Variants in AHCYL1 observed in about 807,000 individuals in gnomAD.
The protein encoded by AHCYL1 is S-adenosylhomocysteine hydrolase-like protein 1.
AHCYL1 carries 20 observed loss-of-function variants against 79.3 expected under a neutral mutation model. That is an observed-to-expected ratio of 0.25 (90% CI 0.18 to 0.37). The LOEUF is 0.37. Among genes scored for constraint, AHCYL1 ranks in the 10% least tolerant of loss-of-function variants. The pLI, the probability that AHCYL1 is intolerant of heterozygous loss-of-function variation, is 1.00. For synonymous variants in AHCYL1, 223 were observed against 242.2 expected, an observed-to-expected ratio of 0.92 and a Z score of 0.74; for missense variants, 330 against 673.6, an observed-to-expected ratio of 0.49 and a Z score of 5.65.
At chr1:110,010,287 A>T (rs933086310) in intron 2 of AHCYL1, among the ~76,000 whole-genome samples, 1 of 152,216 alleles carries the variant, frequency 6.6e-6, no homozygotes, top group African/African-American at 2.4e-5. Flanking sequence ...AATCTTTAGT[A>T]GTATTTGTGT....
chr1:109,991,170 G>T (rs79075120), intron 1 of AHCYL1, among the ~76,000 whole-genome samples: 4,544 of 152,154 alleles, frequency 0.03, 234 homozygotes, highest in African/African-American at 0.1. Context: ...AGATAATGAT[G>T]GATACTGCTT....
chr1:109,999,467 C>A (rs1265860849), intron 1 of AHCYL1, among the ~76,000 whole-genome samples: 1 of 152,190 alleles, frequency 6.6e-6, no homozygotes, highest in Non-Finnish European at 1.5e-5. Context: ...TGGTAAGAAC[C>A]TTCTGCTTTT....
At chr1:110,001,821 C>A (rs529670738) in intron 1 of AHCYL1, among the ~76,000 whole-genome samples, 1 of 152,158 alleles carries the variant, frequency 6.6e-6, no homozygotes. Context: ...GCTTTAAGTT[C>A]TTACAAACAC....
At chr1:110,002,040 T>C (rs983809901) in intron 1 of AHCYL1, among the ~76,000 whole-genome samples, 1 of 152,224 alleles carries the variant, frequency 6.6e-6, no homozygotes, top group Non-Finnish European at 1.5e-5. Context: ...TTGTATGCAT[T>C]ATAGAATAAA....
At chr1:110,019,522 T>C (rs1651654099) in intron 14 of AHCYL1, 26 bp from the exon 15 acceptor site, 1 of 1,580,992 alleles carries the variant, frequency 6.3e-7, no homozygotes, top group Non-Finnish European at 8.6e-7. Flanking sequence ...ATTTTTGTGC[T>C]TTCTGGCCTT....
intron 1 of AHCYL1, among the ~76,000 whole-genome samples, chr1:110,006,587 T>A (rs1312283294): frequency 6.6e-6 from 1 of 152,176 alleles, no homozygotes; most frequent in Non-Finnish European, 1.5e-5. Flanking sequence ...CAGCAGTGTT[T>A]ATATTTTCAA....
intron 16 of AHCYL1, 85 bp downstream of exon 16, chr1:110,020,936 T>A (rs1318103634): frequency 6.6e-7 from 1 of 1,514,488 alleles, no homozygotes; most frequent in Non-Finnish European, 8.8e-7. Flanking sequence ...AAAGATCAAA[T>A]GTTGTACCTG....
intron 1 of AHCYL1, among the ~76,000 whole-genome samples, chr1:110,005,675 G>A (rs1338288818): frequency 2.0e-5 from 3 of 152,124 alleles, no homozygotes; most frequent in Non-Finnish European, 2.9e-5. Context: ...AATTGGGTGG[G>A]CCCTGGGAAG....
At chr1:109,985,677 A>C (rs1009822649) in intron 1 of AHCYL1, 2 of 412,274 alleles carry the variant, frequency 4.9e-6, no homozygotes, top group African/African-American at 2.2e-5. Context: ...GGTGAAAGCG[A>C]TGAGGGTAAC....
chr1:110,014,682 C>G, intron 5 of AHCYL1, 81 bp from the exon 6 acceptor site: 2 of 1,065,010 alleles, frequency 1.9e-6, no homozygotes, highest in South Asian at 3.1e-5. Context: ...GCCTTTTTCT[C>G]TTCACATGGA....
At chr1:109,986,957 A>G (rs967463815) in intron 1 of AHCYL1, among the ~76,000 whole-genome samples, 2 of 152,180 alleles carry the variant, frequency 1.3e-5, no homozygotes, top group Non-Finnish European at 2.9e-5. Context: ...TATTATTGTC[A>G]GGCCAAGTGC....
chr1:110,001,266 A>C (rs959274007), intron 1 of AHCYL1, among the ~76,000 whole-genome samples: 1 of 151,738 alleles, frequency 6.6e-6, no homozygotes, highest in Non-Finnish European at 1.5e-5. Flanking sequence ...AGCTCACTGC[A>C]ACCTCTGCCT....
Position 110,012,837 on chromosome 1 carries a change from G to T in AHCYL1, c.478-60G>T, listed in dbSNP as rs1485186060. 4 of 1,336,220 alleles carry T rather than the reference G, an allele frequency of 3.0e-6. No individual in the cohort carries two copies. In the East Asian group the frequency reaches 9.3e-5, roughly 31 times the overall value. 82.8% of individuals were successfully genotyped at this position (1,336,220 alleles called of 1,614,324 possible). A position where few individuals can be genotyped will look rare whatever the true frequency, so the allele number is the denominator to read the frequency against. On this transcript the variant is annotated intron_variant, in intron 4 of 16. Transcript: ENST00000369799. ...AGGTATTGCTATCTTGATGAGGCTT[G>T]CTCTCCATTCCTGGGTGGCCCTTCT...
At position 110,018,461 on chromosome 1, in the gene AHCYL1, C is replaced by T. The variant is rs371217627; in HGVS notation, c.1212C>T (p.Ile404=). 38 of 1,614,006 alleles carry T rather than the reference C, an allele frequency of 2.4e-5. No homozygotes were observed. Among genetic ancestry groups the T allele is most frequent in the Non-Finnish European group, 3.1e-5 (36 of 1,180,008 alleles). ...ATATGGGCCACTCCAACACAGAAAT[C>T]GATGTGGTAAGGCTTCTCTCATTTG... is the stretch of plus-strand genomic sequence containing the variant. The part of the protein sequence containing the change: ...VCNMGHSNTE[I]DVTSLRTPEL... Residue 404 remains isoleucine (I), a synonymous_variant, in exon 12 of 17, where the codon ATC becomes ATT. Transcript: ENST00000369799.
At chr1:110,004,640 G>A (rs1163659447) in intron 1 of AHCYL1, among the ~76,000 whole-genome samples, 1 of 152,126 alleles carries the variant, frequency 6.6e-6, no homozygotes, top group African/African-American at 2.4e-5. Context: ...AAGAAAAACT[G>A]GGCATGGTGG....
intron 9 of AHCYL1, among the ~76,000 whole-genome samples, chr1:110,017,035 A>G (rs754682059): frequency 1.2e-4 from 19 of 152,204 alleles, no homozygotes; most frequent in Non-Finnish European, 2.4e-4. Context: ...TAGCCCCACA[A>G]GTGACTTGCA....
chr1:109,998,238 T>A (rs1045519489), intron 1 of AHCYL1, among the ~76,000 whole-genome samples: 2 of 152,212 alleles, frequency 1.3e-5, no homozygotes, highest in Non-Finnish European at 2.9e-5. Flanking sequence ...TGGGACTGTT[T>A]TGCAGTTGTA....
intron 1 of AHCYL1, chr1:109,985,589 A>G (rs570617165): frequency 4.3e-5 from 42 of 983,128 alleles, no homozygotes; most frequent in African/African-American, 5.2e-5. Flanking sequence ...CTTTGGGAGC[A>G]GTGGCCGCTT....
At chr1:109,994,119 C>T (rs1249621553) in intron 1 of AHCYL1, among the ~76,000 whole-genome samples, 2 of 152,234 alleles carry the variant, frequency 1.3e-5, no homozygotes, top group African/African-American at 4.8e-5. Flanking sequence ...TTACAGTCTT[C>T]TGGGAACTGG....
Sources: allele counts gnomAD v4.1 joint callset (sites outside exome capture counted in the v4.1 genomes callset), GRCh38; gene constraint gnomAD v4.1.1; transcripts MANE v1.5; gene names NCBI Gene and HGNC (gene_info 2026-07-23, HGNC 2026-07-21).